COL6A5: variants seen among roughly 807,000 people sequenced by gnomAD.
COL6A5 encodes the protein collagen alpha-5(VI) chain.
COL6A5 carries 48 observed loss-of-function variants against 65.6 expected under a neutral mutation model. That is an observed-to-expected ratio of 0.73 (90% CI 0.58 to 0.93). The LOEUF is 0.93. COL6A5 is among the 40% of genes least tolerant of loss of function. The pLI is 0.00. For synonymous variants in COL6A5, 291 were observed against 322.8 expected (o/e 0.90, Z 1.05); for missense variants, 914 against 928.3 (o/e 0.98, Z 0.20).
At chr3:130,414,381 A>G (rs1382369092) in intron 22 of COL6A5, among the ~76,000 whole-genome samples, 1 of 152,082 alleles carries the variant, frequency 6.6e-6, no homozygotes, top group African/African-American at 2.4e-5. Context: ...CTTATTAGTA[A>G]TAGTGAATGA....
At chr3:130,429,743 G>A (rs754346102), upstream of COL6A5, among the ~76,000 whole-genome samples, 12 of 152,148 alleles carry the variant, frequency 7.9e-5, no homozygotes, top group Non-Finnish European at 1.5e-4. Context: ...TCAGTGTCAT[G>A]ATTGACCTGT....
chr3:130,455,770 CT>C, intron 5 of COL6A5, 104 bp downstream of exon 37: 1 of 901,398 alleles, frequency 1.1e-6, no homozygotes, highest in Non-Finnish European at 1.7e-6. Flanking sequence ...TCTAAAGCAA[CT>C]TTTTTTAAAG....
exon 8 of COL6A5, chr3:130,484,056 C>T (rs771501983): frequency 4.5e-5 from 73 of 1,607,376 alleles, no homozygotes; most frequent in Non-Finnish European, 1.4e-5. Flanking sequence ...ACAAGGTCAT[C>T]ATAGGAGAAA....
intron 5 of COL6A5, among the ~76,000 whole-genome samples, chr3:130,462,325 G>T (rs1055187646): frequency 1.3e-5 from 2 of 152,036 alleles, no homozygotes; most frequent in African/African-American, 4.8e-5. Flanking sequence ...TTAAGCATGC[G>T]TCAGCACAAC....
chr3:130,376,908 C>G (rs150453992), intron 3 of COL6A5, 72 bp downstream of exon 3: 1 of 1,429,664 alleles, frequency 7.0e-7, no homozygotes, highest in African/African-American at 1.4e-5. Context: ...TCACCTCTTG[C>G]AACTCATGTT....
chr3:130,385,861 T>C (rs1276247146), intron 5 of COL6A5, among the ~76,000 whole-genome samples: 1 of 152,044 alleles, frequency 6.6e-6, no homozygotes, highest in African/African-American at 2.4e-5. Context: ...CATCAGAGAA[T>C]CCTTATAAGT....
chr3:130,409,716 G>A (rs976767280), intron 18 of COL6A5, among the ~76,000 whole-genome samples: 4 of 152,016 alleles, frequency 2.6e-5, no homozygotes, highest in African/African-American at 9.7e-5. Context: ...ACCCTTGAGG[G>A]AATAGCCTAA....
intron 1 of COL6A5, among the ~76,000 whole-genome samples, chr3:130,361,827 T>C (rs1453318235): frequency 2.6e-5 from 4 of 152,234 alleles, no homozygotes; most frequent in South Asian, 2.1e-4. Context: ...TAATGACATA[T>C]GATGTTAACC....
At chr3:130,429,545 C>A (rs905619717), upstream of COL6A5, 1 of 1,541,148 alleles carries the variant, frequency 6.5e-7, no homozygotes, top group African/African-American at 1.4e-5. Flanking sequence ...AAGAAGGTAA[C>A]AAACTTTTCC....
At chr3:130,387,290 G>T (rs1936225335) in intron 5 of COL6A5, among the ~76,000 whole-genome samples, 1 of 152,186 alleles carries the variant, frequency 6.6e-6, no homozygotes, top group African/African-American at 2.4e-5. Context: ...CTTTAGATGG[G>T]CAATCATCTG....
At chr3:130,394,984 A>G (rs778388005) in exon 8 of COL6A5, 2 of 1,551,632 alleles carry the variant, frequency 1.3e-6, no homozygotes, top group South Asian at 2.4e-5. Context: ...CTTTCTTGTC[A>G]GACTTAATCG....
At chr3:130,390,172 C>T (rs758014137) in intron 6 of COL6A5, among the ~76,000 whole-genome samples, 6 of 152,166 alleles carry the variant, frequency 3.9e-5, no homozygotes, top group Non-Finnish European at 7.3e-5. Context: ...TTGAAACCTG[C>T]AAGGCTCTTC....
At chr3:130,430,307 A>G (rs1475703198), upstream of COL6A5, among the ~76,000 whole-genome samples, 1 of 152,216 alleles carries the variant, frequency 6.6e-6, no homozygotes, top group African/African-American at 2.4e-5. Context: ...GTTTATTATC[A>G]GCTTTCATAT....
At chr3:130,396,795 A>C (rs1382173274) in intron 8 of COL6A5, among the ~76,000 whole-genome samples, 1 of 152,238 alleles carries the variant, frequency 6.6e-6, no homozygotes, top group Non-Finnish European at 1.5e-5. Flanking sequence ...CTGCCTTTGC[A>C]GCCATTTGTG....
intron 3 of COL6A5, among the ~76,000 whole-genome samples, chr3:130,442,257 A>G (rs1441963179): frequency 2.0e-5 from 3 of 152,284 alleles, no homozygotes; most frequent in Middle Eastern, 3.4e-3. Flanking sequence ...ACTCCTGTGC[A>G]TGCATAAAAA....
intron 27 of COL6A5, among the ~76,000 whole-genome samples, chr3:130,422,446 A>G (rs1937534360): frequency 6.6e-6 from 1 of 151,972 alleles, no homozygotes; most frequent in Non-Finnish European, 1.5e-5. Flanking sequence ...GTTTTCAAGC[A>G]TTTTCTTTGG....
At chr3:130,436,783 A>C (rs1025178893) in intron 1 of COL6A5, among the ~76,000 whole-genome samples, 1 of 152,018 alleles carries the variant, frequency 6.6e-6, no homozygotes, top group Non-Finnish European at 1.5e-5. Context: ...ATTCGGCTTC[A>C]TCACCTTGGC....
chr3:130,414,448 A>G (rs1422318366), intron 22 of COL6A5, among the ~76,000 whole-genome samples: 1 of 152,160 alleles, frequency 6.6e-6, no homozygotes, highest in Non-Finnish European at 1.5e-5. Context: ...TTGGTTTTCC[A>G]TAGCTGGGGT....
intron 10 of COL6A5, among the ~76,000 whole-genome samples, chr3:130,400,185 A>T (rs1413797374): frequency 6.6e-6 from 1 of 152,038 alleles, no homozygotes; most frequent in Non-Finnish European, 1.5e-5. Context: ...ACTTACATTT[A>T]TCCTTTAGAA....
Sources: allele counts gnomAD v4.1 joint callset (sites outside exome capture counted in the v4.1 genomes callset), GRCh38; gene constraint gnomAD v4.1.1; transcripts MANE v1.5; gene names NCBI Gene and HGNC (gene_info 2026-07-23, HGNC 2026-07-21).